The following DCLK1 variants were observed in gnomAD, a reference collection of about 807,000 sequenced individuals.
DCLK1 encodes the protein serine/threonine-protein kinase DCLK1.
In DCLK1, 16 loss-of-function variants were observed where a neutral mutation model predicts 86.2. The ratio of observed to expected loss-of-function variants is 0.19; its 90% confidence interval spans 0.13 to 0.28. DCLK1 has a LOEUF of 0.28. Among genes scored for constraint, DCLK1 ranks in the 10% least tolerant of loss-of-function variants. DCLK1 has a pLI of 1.00. For missense variants in DCLK1, 590 were observed against 940.2 expected (o/e 0.63, Z 4.87); for synonymous variants, 369 against 370.5 (o/e 1.00, Z 0.05).
chr13:35,798,967 T>C (rs1464290422), intron 15 of DCLK1, among the ~76,000 whole-genome samples: 1 of 152,038 alleles, frequency 6.6e-6, no homozygotes, highest in Non-Finnish European at 1.5e-5. Context: ...TTCAAAAGAG[T>C]ATGTAGGTGG....
At chr13:35,823,586 C>T (rs1016211888) in intron 10 of DCLK1, among the ~76,000 whole-genome samples, 4 of 152,118 alleles carry the variant, frequency 2.6e-5, no homozygotes, top group African/African-American at 4.8e-5. Context: ...TTCCTTTGCT[C>T]CTTTTTAAAT....
intron 3 of DCLK1, among the ~76,000 whole-genome samples, chr13:36,019,129 C>T (rs541558025): frequency 6.6e-6 from 1 of 152,220 alleles, no homozygotes; most frequent in East Asian, 1.9e-4. Context: ...ATGTCAAAGG[C>T]ACTCTCTGAA....
intron 3 of DCLK1, among the ~76,000 whole-genome samples, chr13:36,019,077 C>A (rs1881655817): frequency 1.3e-5 from 2 of 152,104 alleles, no homozygotes; most frequent in Non-Finnish European, 2.9e-5. Context: ...TTTGCTTTTT[C>A]TAAGTATGCT....
At chr13:36,012,011 T>G (rs1462108536) in intron 3 of DCLK1, among the ~76,000 whole-genome samples, 14 of 147,730 alleles carry the variant, frequency 9.5e-5, no homozygotes, top group Non-Finnish European at 1.9e-4. Context: ...TGATCTTTGT[T>G]GGTTTAAAGT....
chr13:35,855,881 C>G, intron 5 of DCLK1: 1 of 1,104,414 alleles, frequency 9.1e-7, no homozygotes, highest in Non-Finnish European at 1.1e-6. Context: ...GGCAAGAGAT[C>G]CAGTGACTCA....
At chr13:35,996,046 A>G (rs1880457917) in intron 3 of DCLK1, among the ~76,000 whole-genome samples, 1 of 152,110 alleles carries the variant, frequency 6.6e-6, no homozygotes. Flanking sequence ...CTCCTGCCTC[A>G]GCCTCCCAAG....
intron 4 of DCLK1, among the ~76,000 whole-genome samples, chr13:35,918,860 A>G (rs1309936987): frequency 2.0e-5 from 3 of 149,214 alleles, no homozygotes; most frequent in Non-Finnish European, 4.4e-5. Flanking sequence ...ATAATTTGTT[A>G]AAGGCCAAAA....
At chr13:35,975,351 G>C (rs1486005594) in intron 3 of DCLK1, among the ~76,000 whole-genome samples, 2 of 152,232 alleles carry the variant, frequency 1.3e-5, no homozygotes, top group Non-Finnish European at 2.9e-5. Context: ...TCAGGCTGGA[G>C]ACCTCATTTC....
intron 1 of DCLK1, 52 bp downstream of exon 1, chr13:36,131,062 C>A (rs1473277570): frequency 6.6e-6 from 1 of 150,428 alleles, no homozygotes; most frequent in East Asian, 2.0e-4. Context: ...CTGCGGAGTC[C>A]CCCGGCCGCC....
chr13:36,016,746 T>A (rs144482208), intron 3 of DCLK1, among the ~76,000 whole-genome samples: 6 of 152,188 alleles, frequency 3.9e-5, no homozygotes, highest in Non-Finnish European at 7.3e-5. Flanking sequence ...ATTAATAAAC[T>A]AAAAAGAAAT....
At chr13:36,094,359 A>G (rs7997487) in intron 3 of DCLK1, among the ~76,000 whole-genome samples, 1,911 of 152,300 alleles carry the variant, frequency 0.013, 45 homozygotes, top group African/African-American at 0.044. Context: ...TTCACCTCCT[A>G]TATTTAACCA....
At chr13:36,015,094 GTC>G (rs1358692747) in intron 3 of DCLK1, among the ~76,000 whole-genome samples, 4 of 151,500 alleles carry the variant, frequency 2.6e-5, no homozygotes, top group Non-Finnish European at 5.9e-5. Flanking sequence ...CAGTGATTAT[GTC>G]TCTTTCATTC....
At chr13:35,786,508 G>A (rs1399688895) in intron 16 of DCLK1, among the ~76,000 whole-genome samples, 1 of 152,174 alleles carries the variant, frequency 6.6e-6, no homozygotes, top group Non-Finnish European at 1.5e-5. Context: ...CCCTCGAGGT[G>A]AAGTGACCCC....
chr13:35,967,316 T>C (rs569181837), intron 3 of DCLK1, among the ~76,000 whole-genome samples: 38 of 152,204 alleles, frequency 2.5e-4, no homozygotes, highest in African/African-American at 9.1e-4. Flanking sequence ...CGCCACCCCA[T>C]CTGGGAGGTG....
At chr13:36,042,655 A>C (rs2153155504) in intron 3 of DCLK1, among the ~76,000 whole-genome samples, 1 of 152,342 alleles carries the variant, frequency 6.6e-6, no homozygotes, top group Admixed American at 6.5e-5. Context: ...AACACTACCA[A>C]GCCAGAGGCT....
Position 35,854,815 on chromosome 13 carries a change from T to A in DCLK1, c.941-222A>T, listed in dbSNP as rs571691614. On this transcript the variant is annotated intron_variant, in intron 5 of 16. Coordinates refer to ENST00000360631, the MANE Select transcript of DCLK1 (RefSeq NM_001330071.2). ...CATAGAGCAGCAGGTTACAGAATTATTTTTTAAGATGTACCTTTCACAACT... is the reference window on the plus strand; with the variant it reads ...CATAGAGCAGCAGGTTACAGAATTAATTTTTAAGATGTACCTTTCACAACT... 3.3e-5 allele frequency among the ~76,000 whole-genome samples: 5 copies of A among 152,336 alleles called. No individual in the cohort carries two copies. In the East Asian group the frequency reaches 9.6e-4, roughly 29 times the overall value.
At chr13:35,883,582 T>G (rs1031245436) in intron 4 of DCLK1, among the ~76,000 whole-genome samples, 2 of 152,154 alleles carry the variant, frequency 1.3e-5, no homozygotes, top group Non-Finnish European at 2.9e-5. Context: ...CCTCAAGTAT[T>G]CCTTTATAGC....
chr13:35,971,943 T>C (rs1879082577), intron 3 of DCLK1, among the ~76,000 whole-genome samples: 1 of 150,400 alleles, frequency 6.6e-6, no homozygotes, highest in Admixed American at 6.6e-5. Flanking sequence ...TACCAGCTAA[T>C]AATCCTATCT....
chr13:36,030,653 G>A (rs994045300), intron 3 of DCLK1, among the ~76,000 whole-genome samples: 16 of 151,858 alleles, frequency 1.1e-4, no homozygotes, highest in Non-Finnish European at 1.5e-5. Flanking sequence ...GACCATTAGG[G>A]AACAGTATCT....
Sources: gnomAD v4.1 joint callset for allele counts (sites outside exome capture counted in the v4.1 genomes callset) on GRCh38, gnomAD v4.1.1 for gene constraint, MANE v1.5 for transcripts, NCBI Gene and HGNC (gene_info 2026-07-23, HGNC 2026-07-21) for gene names.